The following SUPT3H variants were observed in gnomAD, a reference collection of about 807,000 sequenced individuals.
SUPT3H encodes transcription initiation protein SPT3 homolog.
A neutral mutation model predicts 44.3 loss-of-function variants in SUPT3H; 44 were observed. The ratio of observed to expected loss-of-function variants is 0.99; its 90% CI spans 0.78 to 1.28. The LOEUF is 1.28. SUPT3H is among the 50% of genes most tolerant of loss of function. The probability of loss-of-function intolerance (pLI) is 0.00; values close to 1 mark genes in which losing one functional copy is unlikely to be tolerated. For missense variants in SUPT3H, 380 were observed against 387.1 expected (o/e 0.98, Z 0.15); for synonymous variants, 124 against 125.6 (o/e 0.99, Z 0.09).
chr6:45,280,332 T>C (rs1388207160), intron 2 of SUPT3H, among the ~76,000 whole-genome samples: 1 of 151,888 alleles, frequency 6.6e-6, no homozygotes, highest in Admixed American at 6.6e-5. Context: ...TGAAACCCTG[T>C]CTCTACTAAA....
intron 2 of SUPT3H, among the ~76,000 whole-genome samples, chr6:45,211,897 C>T (rs1311461894): frequency 1.3e-5 from 2 of 150,278 alleles, no homozygotes; most frequent in Non-Finnish European, 3.0e-5. Flanking sequence ...GGCACAGTGG[C>T]TCACATGTGT....
At chr6:45,356,402 T>C (rs1012776497) in intron 2 of SUPT3H, among the ~76,000 whole-genome samples, 9 of 152,008 alleles carry the variant, frequency 5.9e-5, no homozygotes, top group African/African-American at 2.2e-4. Flanking sequence ...TCATTTCTTT[T>C]TTTTTCTTTT....
At chr6:44,989,064 A>G (rs1162581911) in intron 6 of SUPT3H, among the ~76,000 whole-genome samples, 1 of 152,158 alleles carries the variant, frequency 6.6e-6, no homozygotes, top group East Asian at 1.9e-4. Context: ...AAAGTACCCA[A>G]GTCCCACACA....
intron 10 of SUPT3H, among the ~76,000 whole-genome samples, chr6:44,900,516 G>C (rs1174294197): frequency 2.0e-5 from 3 of 152,228 alleles, no homozygotes; most frequent in Admixed American, 1.3e-4. Context: ...GGTAAACAAA[G>C]CGGCCAGGAA....
chr6:45,352,797 A>C (rs977259189), intron 2 of SUPT3H, among the ~76,000 whole-genome samples: 1 of 152,218 alleles, frequency 6.6e-6, no homozygotes, highest in East Asian at 1.9e-4. Flanking sequence ...TTTATTCTTT[A>C]TTACTTATAT....
chr6:45,354,754 C>A (rs776059193), intron 2 of SUPT3H, among the ~76,000 whole-genome samples: 1 of 151,924 alleles, frequency 6.6e-6, no homozygotes, highest in Non-Finnish European at 1.5e-5. Context: ...ATTCCCAGTA[C>A]TTTGGGAGGC....
intron 2 of SUPT3H, among the ~76,000 whole-genome samples, chr6:45,316,968 T>A (rs997681631): frequency 6.6e-6 from 1 of 152,110 alleles, no homozygotes. Flanking sequence ...ATATGGAACC[T>A]GTAATCTCAG....
intron 10 of SUPT3H, among the ~76,000 whole-genome samples, chr6:44,905,577 G>A (rs1765897165): frequency 6.6e-6 from 1 of 151,938 alleles, no homozygotes; most frequent in Non-Finnish European, 1.5e-5. Flanking sequence ...TGGTGGGACT[G>A]TAAACTAGTT....
chr6:45,341,014 T>C (rs1328603938), intron 2 of SUPT3H, among the ~76,000 whole-genome samples: 1 of 152,192 alleles, frequency 6.6e-6, no homozygotes, highest in Non-Finnish European at 1.5e-5. Flanking sequence ...ATTTCTTAAA[T>C]TCTAATTCAT....
At chr6:45,118,341 T>C (rs1423660264) in intron 2 of SUPT3H, among the ~76,000 whole-genome samples, 1 of 152,074 alleles carries the variant, frequency 6.6e-6, no homozygotes, top group East Asian at 1.9e-4. Flanking sequence ...AGCTCTGTGG[T>C]AGCAAATAAA....
At chr6:45,167,470 A>T (rs1450535639) in intron 2 of SUPT3H, among the ~76,000 whole-genome samples, 1 of 152,150 alleles carries the variant, frequency 6.6e-6, no homozygotes, top group Non-Finnish European at 1.5e-5. Context: ...AACCTTTTTG[A>T]AGTAATTTTT....
At chr6:45,120,916 CAATATTAGAACAAT>C (rs766465729) in intron 2 of SUPT3H, among the ~76,000 whole-genome samples, 15 of 152,032 alleles carry the variant, frequency 9.9e-5, no homozygotes, top group East Asian at 1.9e-4. Flanking sequence ...AAAATTTGAA[CAATATTAGAACAAT>C]AATATTAGAA....
At chr6:44,921,077 C>A (rs1422191182) in intron 10 of SUPT3H, among the ~76,000 whole-genome samples, 1 of 152,172 alleles carries the variant, frequency 6.6e-6, no homozygotes. Flanking sequence ...ACCTCCTTTG[C>A]TATATTTGGA....
intron 10 of SUPT3H, among the ~76,000 whole-genome samples, chr6:44,894,625 C>G (rs527145): frequency 0.02 from 3,093 of 152,126 alleles, 42 homozygotes; most frequent in Non-Finnish European, 0.032. Flanking sequence ...GTTACTGTAG[C>G]CTTGTAGTAT....
intron 2 of SUPT3H, among the ~76,000 whole-genome samples, chr6:45,239,244 T>G (rs866615445): frequency 6.6e-6 from 1 of 152,234 alleles, no homozygotes; most frequent in Non-Finnish European, 1.5e-5. Context: ...AAACAGCAGT[T>G]AGGAGTAGAA....
chr6:45,024,526 G>A lies in SUPT3H; in HGVS notation c.187-3894C>T, dbSNP rs370086469. On this transcript the variant is annotated intron_variant, in intron 3 of 10. Transcript: ENST00000371459. ...AAATTCAATGTGGTCTTTAAAGCTC[G>A]AATGATTCACATATTTTCCCTGCCT... Among the ~76,000 whole-genome samples, 10 of 152,064 alleles carry A rather than the reference G, an allele frequency of 6.6e-5. No homozygotes were observed. The East Asian group carries it at 7.7e-4, about 12-fold the overall frequency.
At chr6:44,918,104 G>T (rs766768081) in intron 10 of SUPT3H, among the ~76,000 whole-genome samples, 2 of 152,046 alleles carry the variant, frequency 1.3e-5, no homozygotes, top group Non-Finnish European at 2.9e-5. Flanking sequence ...AAGGTCTTAG[G>T]AATTAGCTAA....
At chr6:45,281,313 G>A (rs777891353) in intron 2 of SUPT3H, among the ~76,000 whole-genome samples, 9 of 152,338 alleles carry the variant, frequency 5.9e-5, no homozygotes, top group South Asian at 2.1e-4. Context: ...CCCGCGAAGC[G>A]CAAGGGGTCA....
chr6:44,985,212 T>TAAAATAAAATAAAATA lies in SUPT3H; in HGVS notation c.504+18440_504+18441insTATTTTATTTTATTTT, dbSNP rs3053669. 9.7e-5 allele frequency among the ~76,000 whole-genome samples: 11 copies of TAAAATAAAATAAAATA among 113,604 alleles called. 1 individual carries two copies. In the East Asian group the frequency reaches 2.1e-3, roughly 22 times the overall value. The allele number at this position is 113,604 out of a possible 152,430, so 74.5% of individuals were successfully genotyped here. ...ATAAATAAATAAATAAATAAATAAATAAATAAAATAAAATAAAATAAAATA... is the reference window on the plus strand; with the variant it reads ...ATAAATAAATAAATAAATAAATAAATAAAATAAAATAAAATAAAATAAAATAAAATAAAATAAAATA... On this transcript the variant is annotated intron_variant, in intron 6 of 10. Transcript: ENST00000371459.
Sources: allele counts gnomAD v4.1 joint callset (sites outside exome capture counted in the v4.1 genomes callset), GRCh38; gene constraint gnomAD v4.1.1; transcripts MANE v1.5; gene names NCBI Gene and HGNC (gene_info 2026-07-23, HGNC 2026-07-21).